Variants in ANKRD28 observed in about 807,000 individuals in gnomAD.
ANKRD28 encodes the protein serine/threonine-protein phosphatase 6 regulatory ankyrin repeat subunit A.
A neutral mutation model predicts 126.5 loss-of-function variants in ANKRD28; 44 were observed. The observed-to-expected ratio is 0.35, with a 90% CI of 0.27 to 0.45. The LOEUF (loss-of-function observed/expected upper bound fraction) is 0.45, where lower values mean the gene tolerates loss of function less well. Ranked by LOEUF, ANKRD28 falls within the 20% of genes least tolerant of loss-of-function variation. The pLI, the probability that ANKRD28 is intolerant of heterozygous loss-of-function variation, is 1.00. For missense variants in ANKRD28, 1,110 were observed against 1,316.6 expected, an observed-to-expected ratio of 0.84 and a Z score of 2.43; for synonymous variants, 442 against 468.5, an observed-to-expected ratio of 0.94 and a Z score of 0.73.
At chr3:15,717,370 G>GA (rs1027434515) in intron 8 of ANKRD28, among the ~76,000 whole-genome samples, 3 of 151,880 alleles carry the variant, frequency 2.0e-5, no homozygotes, top group Admixed American at 2.0e-4. Flanking sequence ...GTATACAAAG[G>GA]AAAAAGAGAT....
intron 21 of ANKRD28, chr3:15,683,594 A>G (rs2067772392): frequency 6.6e-6 from 1 of 152,232 alleles, no homozygotes; most frequent in Non-Finnish European, 1.5e-5. Flanking sequence ...TCAAGTTTTT[A>G]TGGTGCTATC....
intron 1 of ANKRD28, among the ~76,000 whole-genome samples, chr3:15,855,356 A>C (rs568440679): frequency 7.4e-4 from 112 of 152,206 alleles, no homozygotes; most frequent in African/African-American, 2.1e-3. Context: ...CAAAACAAAA[A>C]AAAACCCAAC....
rs536678528 is a variant in ANKRD28, at chr3:15,728,172, A to T, written c.641-3648T>A. Among the ~76,000 whole-genome samples, 39 of 152,238 alleles carry T rather than the reference A, an allele frequency of 2.6e-4. No individual in the cohort carries two copies. The South Asian group carries it at 8.1e-3, about 32-fold the overall frequency. On this transcript the variant is annotated intron_variant, in intron 6 of 27. Transcript: ENST00000683139. Reference sequence around the variant, plus strand: ...GTTAGCATTTTTTTTTAGCAATAACATATTTTTTAATTAAGAACACTGAAA... The same window carrying T: ...GTTAGCATTTTTTTTTAGCAATAACTTATTTTTTAATTAAGAACACTGAAA...
At chr3:15,840,185 A>C (rs1359333339) in intron 1 of ANKRD28, among the ~76,000 whole-genome samples, 1 of 152,248 alleles carries the variant, frequency 6.6e-6, no homozygotes, top group East Asian at 1.9e-4. Flanking sequence ...AGAACTGATA[A>C]ATTCAGTAAA....
rs2066225733 is a variant in ANKRD28, at chr3:15,670,438, A to C, written c.3084T>G (p.Asn1028Lys). The change falls in exon 28 of 28, where the codon AAT (asparagine) becomes AAG (lysine). Residue 1028 changes from asparagine (N) to lysine (K), a missense_variant. Transcript: ENST00000683139. Reference sequence around the variant, plus strand: ...AGGTGTTGGTATAACGGTTAATGGCATTGAATGTTAAGGATGATAAAGGAC... The same window carrying C: ...AGGTGTTGGTATAACGGTTAATGGCCTTGAATGTTAAGGATGATAAAGGAC... ...SSSPLSSLTF[N>K]AINRYTNTSK... 6.2e-7 allele frequency: 1 copy of C among 1,613,882 alleles called. No individual in the cohort carries two copies. Among genetic ancestry groups the C allele is most frequent in the African/African-American group, 1.3e-5 (1 of 74,920 alleles).
rs760956727 is a variant in ANKRD28, at chr3:15,854,607, CAT to C, written c.27+4768_27+4769del. Among the ~76,000 whole-genome samples, 15 of 152,164 alleles carry C rather than the reference CAT, an allele frequency of 9.9e-5. No individual in the cohort carries two copies. The highest frequency in any genetic ancestry group is 1.9e-4 in the East Asian group (1 of 5,206). ...TTACATTTTCAATTAATATGCTCCACATGTTTTCCTTCAGCCTCTATAAGTCT... is the reference window on the plus strand; with the variant it reads ...TTACATTTTCAATTAATATGCTCCACGTTTTCCTTCAGCCTCTATAAGTCT... On this transcript the variant is annotated intron_variant, in intron 1 of 27. Transcript: ENST00000399451. This position sits in a 1 kb window ranked among gnomAD's most constrained non-coding sequence, Gnocchi z 4.1.
chr3:15,753,230 T>A (rs1290827130), intron 3 of ANKRD28, among the ~76,000 whole-genome samples: 115 of 152,212 alleles, frequency 7.6e-4, no homozygotes, highest in Non-Finnish European at 8.8e-5. Flanking sequence ...TGGGCAACTA[T>A]CTGCCAGGCA....
chr3:15,733,379 G>A (rs976757353), intron 6 of ANKRD28: 2 of 152,302 alleles, frequency 1.3e-5, no homozygotes, highest in Non-Finnish European at 2.9e-5. Context: ...ATTGCCTTCT[G>A]AGGCTTATTG....
chr3:15,687,194 C>G (rs982955220), intron 18 of ANKRD28, among the ~76,000 whole-genome samples: 6 of 152,060 alleles, frequency 3.9e-5, no homozygotes, highest in Non-Finnish European at 5.9e-5. Context: ...CCACCCACCT[C>G]GGCCTCCCAA....
chr3:15,716,051 C>T (rs928620333), intron 8 of ANKRD28, among the ~76,000 whole-genome samples: 4 of 148,056 alleles, frequency 2.7e-5, no homozygotes, highest in Non-Finnish European at 6.0e-5. Flanking sequence ...GGTGTGATCT[C>T]AGCTCTCAGC....
At chr3:15,834,496 G>A (rs922239848) in intron 1 of ANKRD28, among the ~76,000 whole-genome samples, 9 of 152,034 alleles carry the variant, frequency 5.9e-5, no homozygotes, top group South Asian at 2.1e-4. Context: ...ATGCCTCCAC[G>A]TGCTCTTGAA....
intron 9 of ANKRD28, 57 bp downstream of exon 9, chr3:15,714,521 A>T: frequency 1.6e-6 from 2 of 1,278,262 alleles, no homozygotes; most frequent in Non-Finnish European, 2.1e-6. Context: ...GGATGTTTTT[A>T]CTACATTTAA....
At chr3:15,700,404 T>C (rs1008932877) in intron 14 of ANKRD28, among the ~76,000 whole-genome samples, 1 of 151,438 alleles carries the variant, frequency 6.6e-6, no homozygotes, top group Non-Finnish European at 1.5e-5. Context: ...TGTATACCTA[T>C]CTAACAAACC....
At chr3:15,818,124 T>G (rs1332778334) in intron 1 of ANKRD28, among the ~76,000 whole-genome samples, 1 of 152,046 alleles carries the variant, frequency 6.6e-6, no homozygotes, top group African/African-American at 2.4e-5. Context: ...AGAAAACAGA[T>G]ACAGGAGCTC....
intron 8 of ANKRD28, among the ~76,000 whole-genome samples, chr3:15,719,681 G>C (rs963498353): frequency 6.6e-6 from 1 of 151,868 alleles, no homozygotes; most frequent in Non-Finnish European, 1.5e-5. Context: ...TGATCCTCCA[G>C]CCTCAGCCTC....
chr3:15,700,562 C>T (rs186197923), intron 14 of ANKRD28, among the ~76,000 whole-genome samples: 1 of 151,940 alleles, frequency 6.6e-6, no homozygotes, highest in African/African-American at 2.4e-5. Context: ...GATCATGAGG[C>T]CAAGAGATCA....
At chr3:15,674,212 A>AATTCAAG (rs1187493035) in intron 27 of ANKRD28, among the ~76,000 whole-genome samples, 1 of 149,568 alleles carries the variant, frequency 6.7e-6, no homozygotes, top group Non-Finnish European at 1.5e-5. Flanking sequence ...GAAGAACCGA[A>AATTCAAG]ATTCAAGAGT....
At chr3:15,826,975 T>TTGTG in intron 1 of ANKRD28, among the ~76,000 whole-genome samples, 1 of 152,270 alleles carries the variant, frequency 6.6e-6, no homozygotes, top group East Asian at 1.9e-4. Context: ...TATTAGACAT[T>TTGTG]TCTCAAATGA....
At chr3:15,767,849 C>G (rs2058822136) in intron 2 of ANKRD28, among the ~76,000 whole-genome samples, 1 of 151,414 alleles carries the variant, frequency 6.6e-6, no homozygotes, top group Non-Finnish European at 1.5e-5. Context: ...GATGGCGCCA[C>G]TGCACTCCAG....
Sources: allele counts gnomAD v4.1 joint callset (sites outside exome capture counted in the v4.1 genomes callset), GRCh38; gene constraint gnomAD v4.1.1; non-coding constraint Gnocchi (gnomAD v3.1); transcripts MANE v1.5; gene names NCBI Gene and HGNC (gene_info 2026-07-23, HGNC 2026-07-21).